Variants in ZNF431 observed in about 807,000 individuals in gnomAD.
ZNF431 encodes the protein zinc finger protein 431.
ZNF431 carries 34 observed loss-of-function variants against 57.0 expected under a neutral mutation model. That is an observed-to-expected ratio of 0.60 (90% CI 0.45 to 0.79). The LOEUF is 0.79. ZNF431 is among the 30% of genes least tolerant of loss of function. The pLI, the probability that ZNF431 is intolerant of heterozygous loss-of-function variation, is 0.00. For missense variants in ZNF431, 607 were observed against 667.1 expected (o/e 0.91, Z 0.99); for synonymous variants, 207 against 220.3 (o/e 0.94, Z 0.54).
chr19:21,147,947 T>C (rs528929266), intron 2 of ZNF431, among the ~76,000 whole-genome samples: 1 of 152,254 alleles, frequency 6.6e-6, no homozygotes, highest in South Asian at 2.1e-4. Context: ...TTTTTACTAT[T>C]TTATATTTGT....
chr19:21,173,208 C>T (rs1970956877), intron 4 of ZNF431, among the ~76,000 whole-genome samples: 2 of 152,168 alleles, frequency 1.3e-5, no homozygotes, highest in Non-Finnish European at 2.9e-5. Context: ...TGGGTTGCTT[C>T]TGCCTTTTGG....
At chr19:21,149,291 A>G (rs557677513) in intron 2 of ZNF431, among the ~76,000 whole-genome samples, 1 of 152,196 alleles carries the variant, frequency 6.6e-6, no homozygotes, top group Non-Finnish European at 1.5e-5. Context: ...TGACCTTGAA[A>G]TATTTGGTAA....
intron 2 of ZNF431, among the ~76,000 whole-genome samples, chr19:21,156,300 G>T (rs1234381870): frequency 6.6e-6 from 1 of 152,036 alleles, no homozygotes; most frequent in East Asian, 1.9e-4. Context: ...AGCCCCACCT[G>T]GGCCACCATC....
Position 21,142,073 on chromosome 19 carries a change from C to T in ZNF431, c.-111C>T, listed in dbSNP as rs553617737. 31 of 1,453,444 alleles carry T rather than the reference C, an allele frequency of 2.1e-5. No individual in the cohort carries two copies. Among genetic ancestry groups the T allele is most frequent in the African/African-American group, 1.1e-4 (8 of 71,806 alleles). 90.0% of individuals were successfully genotyped at this position (1,453,444 alleles called of 1,614,324 possible). A position where few individuals can be genotyped will look rare whatever the true frequency, so the allele number is the denominator to read the frequency against. On this transcript the variant is annotated 5_prime_UTR_variant, in exon 1 of 5. Transcript: ENST00000311048. ...CCGCAGCCTGAGCTCCAGGTCTCCC[C>T]TTCGCTGCTCTGTGTCCTCTGCTCC...
At chr19:21,173,896 T>C (rs187883121) in intron 4 of ZNF431, among the ~76,000 whole-genome samples, 18 of 152,258 alleles carry the variant, frequency 1.2e-4, no homozygotes, top group Non-Finnish European at 2.9e-5. Context: ...GTTTTTCCCA[T>C]TTGAATATCT....
intron 2 of ZNF431, among the ~76,000 whole-genome samples, chr19:21,157,802 A>G (rs963504138): frequency 2.6e-5 from 4 of 151,290 alleles, no homozygotes; most frequent in African/African-American, 9.7e-5. Context: ...TGCTGGGATT[A>G]CAGGCGTGAG....
chr19:21,142,708 T>TA (rs1158600214), intron 1 of ZNF431, among the ~76,000 whole-genome samples: 7 of 152,202 alleles, frequency 4.6e-5, no homozygotes, highest in African/African-American at 1.7e-4. Flanking sequence ...AAGACTTTTA[T>TA]AAAAAGCATG....
intron 4 of ZNF431, among the ~76,000 whole-genome samples, chr19:21,171,182 A>G (rs1970877359): frequency 1.3e-5 from 2 of 150,080 alleles, no homozygotes; most frequent in East Asian, 3.9e-4. Context: ...TTCTTATTAG[A>G]CTATTCTAAT....
intron 4 of ZNF431, among the ~76,000 whole-genome samples, chr19:21,179,672 G>C (rs1971159871): frequency 6.6e-6 from 1 of 150,412 alleles, no homozygotes; most frequent in Non-Finnish European, 1.5e-5. Flanking sequence ...CAATTCTCCT[G>C]CCTCAGCTTC....
chr19:21,172,606 G>C (rs1970935102), intron 4 of ZNF431, among the ~76,000 whole-genome samples: 1 of 152,036 alleles, frequency 6.6e-6, no homozygotes, highest in Non-Finnish European at 1.5e-5. Context: ...TTTGAGACTA[G>C]CCTGGGCAAC....
At chr19:21,166,893 C>T (rs902680362) in intron 3 of ZNF431, among the ~76,000 whole-genome samples, 1 of 152,108 alleles carries the variant, frequency 6.6e-6, no homozygotes, top group African/African-American at 2.4e-5. Flanking sequence ...GATGGAATCT[C>T]ACCCTGTCAC....
chr19:21,192,536 GA>G lies in ZNF431; in HGVS notation c.*8506del, dbSNP rs1232065387. 3 of 152,114 alleles carry G rather than the reference GA, an allele frequency of 2.0e-5. No individual in the cohort carries two copies. The highest frequency in any genetic ancestry group is 4.4e-5 in the Non-Finnish European group (3 of 68,010). The allele number at this position is 152,114 out of a possible 1,614,324, so 9.4% of individuals were successfully genotyped here. On this transcript the variant is annotated 3_prime_UTR_variant, in exon 5 of 5. Transcript: ENST00000311048. Reference sequence around the variant, plus strand: ...CTTCAGATTATGTATAGGGATAAAAGAAAATTATACAGGAATAATTCCTTTT... The same window carrying G: ...CTTCAGATTATGTATAGGGATAAAAGAAATTATACAGGAATAATTCCTTTT...
rs1971560605 is a variant in ZNF431 at position 21,194,094 on chromosome 19, C to T, written c.*10060C>T. 6.6e-6 allele frequency: 1 copy of T among 152,170 alleles called. No individual in the cohort carries two copies. Among genetic ancestry groups the T allele is most frequent in the African/African-American group, 2.4e-5 (1 of 41,442 alleles). 9.4% of individuals were successfully genotyped at this position (152,170 alleles called of 1,614,324 possible). A position where few individuals can be genotyped will look rare whatever the true frequency, so the allele number is the denominator to read the frequency against. On this transcript the variant is annotated 3_prime_UTR_variant, in exon 5 of 5. Transcript: ENST00000311048. The stretch of plus-strand genomic sequence containing the variant: ...AATTACCTTCACTCATGATATAATT[C>T]TCTACCTAGAAAACTTTAAGGATTT...
chr19:21,142,916 C>A (rs541022576), intron 1 of ZNF431, among the ~76,000 whole-genome samples: 1 of 152,122 alleles, frequency 6.6e-6, no homozygotes, highest in East Asian at 1.9e-4. Flanking sequence ...AAAGTAGGAA[C>A]CCAGGGACTA....
chr19:21,184,074 G>T lies in ZNF431; in HGVS notation c.*40G>T. 3 of 1,510,598 alleles carry T rather than the reference G, an allele frequency of 2.0e-6. No homozygotes were observed. The highest frequency in any genetic ancestry group is 2.6e-6 in the Non-Finnish European group (3 of 1,132,386). 93.6% of individuals were successfully genotyped at this position (1,510,598 alleles called of 1,614,324 possible). On this transcript the variant is annotated 3_prime_UTR_variant, in exon 5 of 5. Coordinates refer to ENST00000311048, the MANE Select transcript of ZNF431 (RefSeq NM_133473.4). ...TTACTAAGCATTAAATATTGGCCGG[G>T]TGCGGTGGCTTATGCAAAATGGCTC...
At chr19:21,173,617 C>T (rs975125211) in intron 4 of ZNF431, among the ~76,000 whole-genome samples, 1 of 152,134 alleles carries the variant, frequency 6.6e-6, no homozygotes, top group African/African-American at 2.4e-5. Context: ...CCTCTGCCTC[C>T]TGGGTTCCAT....
chr19:21,192,082 T>C lies in ZNF431; in HGVS notation c.*8048T>C, dbSNP rs917862895. ...TATTGTAGATGTAATTGTTTTTGAA[T>C]TTCATTTTGGGATAGTTATTAATGT... On this transcript the variant is annotated 3_prime_UTR_variant, in exon 5 of 5. Coordinates refer to ENST00000311048, the MANE Select transcript of ZNF431 (RefSeq NM_133473.4). 1 of 152,232 alleles carries C rather than the reference T, an allele frequency of 6.6e-6. No individual in the cohort carries two copies. The highest frequency in any genetic ancestry group is 1.5e-5 in the Non-Finnish European group (1 of 68,036). 9.4% of individuals were successfully genotyped at this position (152,232 alleles called of 1,614,324 possible). A position where few individuals can be genotyped will look rare whatever the true frequency, so the allele number is the denominator to read the frequency against.
Position 21,187,149 on chromosome 19 carries a change from CA to C in ZNF431, c.*3116del, listed in dbSNP as rs1971392193. 1 of 152,046 alleles carries C rather than the reference CA, an allele frequency of 6.6e-6. No homozygotes were observed. The highest frequency in any genetic ancestry group is 1.5e-5 in the Non-Finnish European group (1 of 68,010). 9.4% of individuals were successfully genotyped at this position (152,046 alleles called of 1,614,324 possible). On this transcript the variant is annotated 3_prime_UTR_variant, in exon 5 of 5. Transcript: ENST00000311048. The stretch of plus-strand genomic sequence containing the variant: ...AGATTGATTGTTCATATAGAGAGGA[CA>C]TTTTTTTTCCAGACTGTAAAACTGA...
intron 4 of ZNF431, among the ~76,000 whole-genome samples, chr19:21,176,297 A>G (rs544251547): frequency 6.7e-6 from 1 of 149,332 alleles, no homozygotes; most frequent in South Asian, 2.1e-4. Context: ...CTGGAATGCA[A>G]TGGTGCAAAC....
Sources: allele counts gnomAD v4.1 joint callset (sites outside exome capture counted in the v4.1 genomes callset), GRCh38; gene constraint gnomAD v4.1.1; transcripts MANE v1.5; gene names NCBI Gene and HGNC (gene_info 2026-07-23, HGNC 2026-07-21).